Variants in SCLT1 observed in about 807,000 individuals in gnomAD.
SCLT1 encodes the protein sodium channel and clathrin linker 1, also known as sodium channel-associated protein 1.
A neutral mutation model predicts 112.8 loss-of-function variants in SCLT1; 78 were observed. That is an observed-to-expected ratio of 0.69 (90% CI 0.58 to 0.83). The LOEUF (loss-of-function observed/expected upper bound fraction) is 0.83. Ranked by LOEUF, SCLT1 falls within the 40% of genes least tolerant of loss-of-function variation. SCLT1 has a pLI of 0.00. For missense variants in SCLT1, 747 were observed against 770.4 expected (o/e 0.97, Z 0.36); for synonymous variants, 257 against 254.7 (o/e 1.01, Z -0.09).
Position 128,891,053 on chromosome 4 carries a change from T to G in SCLT1, c.1908+6A>C, listed in dbSNP as rs1733273741. 6.2e-7 allele frequency: 1 copy of G among 1,604,326 alleles called. No individual in the cohort carries two copies. Among genetic ancestry groups the G allele is most frequent in the African/African-American group, 1.3e-5 (1 of 74,736 alleles). ...AAAGCACTTCCCAGGGGAGTCATTA[T>G]CTCACCTCAGCTACCTTTTCATTTG... is the stretch of plus-strand genomic sequence containing the variant. On this transcript the variant is annotated splice_donor_region_variant and intron_variant, in intron 19 of 20. Transcript: ENST00000281142.
intron 15 of SCLT1, 80 bp downstream of exon 15, chr4:128,948,416 G>A: frequency 2.7e-6 from 4 of 1,466,742 alleles, no homozygotes; most frequent in Non-Finnish European, 3.6e-6. Flanking sequence ...ATTGCTAGTA[G>A]ATGGCATGAT....
intron 2 of SCLT1, among the ~76,000 whole-genome samples, chr4:129,053,385 A>G (rs1335122652): frequency 2.0e-5 from 3 of 152,008 alleles, no homozygotes; most frequent in Non-Finnish European, 2.9e-5. Flanking sequence ...TAAGTCTCTA[A>G]GAACCTGCTT....
At chr4:128,936,909 T>A in intron 17 of SCLT1, 58 bp from the exon 18 acceptor site, 1 of 708,580 alleles carries the variant, frequency 1.4e-6, no homozygotes, top group East Asian at 3.1e-5. Context: ...GCTATACAGA[T>A]CAATGATATA....
At chr4:128,877,553 C>G (rs531066776) in intron 3 of SCLT1, among the ~76,000 whole-genome samples, 5 of 152,044 alleles carry the variant, frequency 3.3e-5, no homozygotes, top group Non-Finnish European at 7.4e-5. Context: ...TGGTGGCACA[C>G]GCCTGTAATC....
intron 8 of SCLT1, among the ~76,000 whole-genome samples, chr4:128,993,500 T>C (rs1742750666): frequency 6.6e-6 from 1 of 152,072 alleles, no homozygotes; most frequent in Admixed American, 6.6e-5. Flanking sequence ...AAATTCTGCA[T>C]TTTAAGAATC....
At chr4:129,041,888 T>C (rs1747730447) in intron 4 of SCLT1, 1 of 152,158 alleles carries the variant, frequency 6.6e-6, no homozygotes, top group Non-Finnish European at 1.5e-5. Flanking sequence ...CTGGGATTAC[T>C]GGTGTGTGCC....
At position 129,071,092 on chromosome 4, in the gene SCLT1, T is replaced by G. The variant is rs140057269; in HGVS notation, c.102+11214A>C. 8.0e-3 allele frequency among the ~76,000 whole-genome samples: 1,211 copies of G among 152,258 alleles called. 15 individuals are homozygous for G. Among genetic ancestry groups the G allele is most frequent in the African/African-American group, 0.028 (1,161 of 41,550 alleles). On this transcript the variant is annotated intron_variant, in intron 2 of 20. Coordinates refer to ENST00000281142, the MANE Select transcript of SCLT1 (RefSeq NM_144643.4). ...CCATGTATTTGCATGGTTTTGAAGGTTCTTTTTGGAGTCAATTTCCAGTTT... is the reference window on the plus strand; with the variant it reads ...CCATGTATTTGCATGGTTTTGAAGGGTCTTTTTGGAGTCAATTTCCAGTTT...
chr4:128,901,690 A>G (rs1734316476), intron 18 of SCLT1, among the ~76,000 whole-genome samples: 1 of 152,194 alleles, frequency 6.6e-6, no homozygotes, highest in Non-Finnish European at 1.5e-5. Context: ...AATTAAAAAA[A>G]AAGACTGCAC....
chr4:128,973,809 A>AT (rs1360630883), intron 9 of SCLT1, among the ~76,000 whole-genome samples: 2 of 152,004 alleles, frequency 1.3e-5, no homozygotes, highest in East Asian at 1.9e-4. Flanking sequence ...CACAAATACT[A>AT]TTTTTTTGGG....
intron 9 of SCLT1, among the ~76,000 whole-genome samples, chr4:128,983,247 T>C (rs1560926120): frequency 1.3e-5 from 2 of 152,158 alleles, no homozygotes. Context: ...CCTAGAAAGA[T>C]ATAATAAATG....
At chr4:128,983,315 T>A (rs924205332) in intron 9 of SCLT1, among the ~76,000 whole-genome samples, 1 of 152,058 alleles carries the variant, frequency 6.6e-6, no homozygotes, top group Non-Finnish European at 1.5e-5. Flanking sequence ...CACATGAGAG[T>A]TGGAAAATAA....
At chr4:129,017,247 C>A (rs1745073679) in intron 5 of SCLT1, among the ~76,000 whole-genome samples, 1 of 151,828 alleles carries the variant, frequency 6.6e-6, no homozygotes, top group Non-Finnish European at 1.5e-5. Flanking sequence ...CAGTGCATAT[C>A]TATGTTTGTG....
At position 129,039,168 on chromosome 4, in the gene SCLT1, G is replaced by A. The variant is rs896907777; in HGVS notation, c.235-72C>T. On this transcript the variant is annotated intron_variant, in intron 4 of 20. Transcript: ENST00000281142. ...GATCTCCATTAAGTAGACCACTCAC[G>A]TAAGCAATCAGATTCTGACACTAGT... 2.5e-5 allele frequency: 22 copies of A among 892,450 alleles called. No homozygotes were observed. The East Asian group carries it at 3.6e-4, about 15-fold the overall frequency. The allele number at this position is 892,450 out of a possible 1,614,324, so 55.3% of individuals were successfully genotyped here.
intron 2 of SCLT1, among the ~76,000 whole-genome samples, chr4:129,055,549 G>C (rs771037032): frequency 6.6e-6 from 1 of 152,116 alleles, no homozygotes; most frequent in Non-Finnish European, 1.5e-5. Context: ...TGCCCAGTCT[G>C]ACCTTCCCAG....
intron 2 of SCLT1, among the ~76,000 whole-genome samples, chr4:129,056,260 C>A (rs1749379569): frequency 6.6e-6 from 1 of 152,200 alleles, no homozygotes; most frequent in Non-Finnish European, 1.5e-5. Context: ...TCTGCCAGTA[C>A]TATTTCTTAA....
At chr4:128,892,100 T>C (rs748561591) in intron 18 of SCLT1, among the ~76,000 whole-genome samples, 2 of 152,230 alleles carry the variant, frequency 1.3e-5, no homozygotes, top group Non-Finnish European at 2.9e-5. Context: ...GTTTTACTCA[T>C]TCATATCATT....
At chr4:128,884,763 T>C (rs1732762910) in intron 20 of SCLT1, among the ~76,000 whole-genome samples, 1 of 152,140 alleles carries the variant, frequency 6.6e-6, no homozygotes, top group Admixed American at 6.6e-5. Context: ...CAGGATCAAG[T>C]GATCCTTCTA....
At chr4:128,956,178 T>C (rs1416081853) in intron 13 of SCLT1, among the ~76,000 whole-genome samples, 1 of 152,234 alleles carries the variant, frequency 6.6e-6, no homozygotes, top group Non-Finnish European at 1.5e-5. Context: ...TAAAGCTTCA[T>C]GCAAAAGATG....
chr4:128,887,001 A>G (rs1301105819), intron 20 of SCLT1, among the ~76,000 whole-genome samples: 1 of 152,214 alleles, frequency 6.6e-6, no homozygotes, highest in Non-Finnish European at 1.5e-5. Flanking sequence ...TCTACTTACC[A>G]CTATAGGAAA....
Sources: gnomAD v4.1 joint callset for allele counts (sites outside exome capture counted in the v4.1 genomes callset) on GRCh38, gnomAD v4.1.1 for gene constraint, MANE v1.5 for transcripts, NCBI Gene and HGNC (gene_info 2026-07-23, HGNC 2026-07-21) for gene names.